The following PDCD10 variants were observed in gnomAD, a reference collection of about 807,000 sequenced individuals.
PDCD10 encodes programmed cell death 10, also known as programmed cell death protein 10.
In PDCD10, 4 loss-of-function variants were observed where a neutral mutation model predicts 29.2. That is an observed-to-expected ratio of 0.14 (90% CI 0.07 to 0.31). PDCD10 has a LOEUF of 0.31. Ranked by LOEUF, PDCD10 falls within the 10% of genes least tolerant of loss-of-function variation. PDCD10 has a pLI of 1.00. For missense variants in PDCD10, 183 were observed against 257.9 expected (o/e 0.71, Z 1.99); for synonymous variants, 70 against 82.2 (o/e 0.85, Z 0.80).
chr3:167,733,505 A>T lies in PDCD10; in HGVS notation c.-117+709T>A, dbSNP rs145869214. On this transcript the variant is annotated intron_variant, in intron 2 of 8. Coordinates refer to ENST00000392750, the MANE Select transcript of PDCD10 (RefSeq NM_007217.4). ...GCTAAGAAAAATAAAAATATGCAAG[A>T]GCCCAATTTTATTATTTGCAGACAC... Among the ~76,000 whole-genome samples, 9 of 152,304 alleles carry T rather than the reference A, an allele frequency of 5.9e-5. No homozygotes were observed. The East Asian group carries it at 1.7e-3, about 29-fold the overall frequency.
At chr3:167,689,573 C>A (rs1719991062) in intron 6 of PDCD10, among the ~76,000 whole-genome samples, 1 of 131,578 alleles carries the variant, frequency 7.6e-6, no homozygotes, top group Non-Finnish European at 1.6e-5. Context: ...CCTCATGCAC[C>A]TAGGGAGACA....
intron 4 of PDCD10, among the ~76,000 whole-genome samples, chr3:167,700,534 C>T (rs1353473337): frequency 6.6e-6 from 1 of 151,654 alleles, no homozygotes; most frequent in Non-Finnish European, 1.5e-5. Flanking sequence ...GCAGCTACAT[C>T]AGCAGGTACA....
intron 2 of PDCD10, chr3:167,725,263 G>GAAAAAAAAAAA (rs57762503): frequency 2.3e-4 from 7 of 30,190 alleles, no homozygotes; most frequent in East Asian, 5.8e-4. Context: ...TCTCAAAAAA[G>GAAAAAAAAAAA]AAAAAAAAAA....
intron 3 of PDCD10, among the ~76,000 whole-genome samples, chr3:167,709,018 T>C (rs565403785): frequency 5.6e-4 from 86 of 152,236 alleles, no homozygotes; most frequent in African/African-American, 2.0e-3. Context: ...AGAAGAGCAA[T>C]AATTCAAACC....
At chr3:167,687,401 C>T in intron 7 of PDCD10, 85 bp from the exon 8 acceptor site, 1 of 846,306 alleles carries the variant, frequency 1.2e-6, no homozygotes, top group Non-Finnish European at 2.0e-6. Context: ...AGAGATTACA[C>T]AGGATATGGG....
intron 3 of PDCD10, among the ~76,000 whole-genome samples, chr3:167,714,064 C>T (rs183582362): frequency 6.6e-5 from 10 of 152,084 alleles, no homozygotes; most frequent in African/African-American, 2.4e-4. Flanking sequence ...GCCAGTATTA[C>T]CCTGATACCA....
At chr3:167,698,104 T>C (rs564184261) in intron 4 of PDCD10, 2 of 394,120 alleles carry the variant, frequency 5.1e-6, no homozygotes, top group African/African-American at 4.2e-5. Flanking sequence ...TCACTGCAGA[T>C]ACAGTTTTCT....
At chr3:167,689,452 A>C (rs758062136) in intron 6 of PDCD10, among the ~76,000 whole-genome samples, 3 of 152,168 alleles carry the variant, frequency 2.0e-5, no homozygotes, top group Non-Finnish European at 4.4e-5. Flanking sequence ...TATTCTGCTA[A>C]AGAGGAATAA....
chr3:167,692,034 C>T, intron 6 of PDCD10, among the ~76,000 whole-genome samples: 1 of 152,196 alleles, frequency 6.6e-6, no homozygotes, highest in East Asian at 1.9e-4. Flanking sequence ...TGATCTGAAG[C>T]AAAATCTGCT....
At chr3:167,726,126 T>G (rs1299874490) in intron 2 of PDCD10, among the ~76,000 whole-genome samples, 32 of 142,740 alleles carry the variant, frequency 2.2e-4, no homozygotes, top group East Asian at 6.1e-4. Flanking sequence ...TTTTTTTTTT[T>G]TTTTTTTTTT....
At chr3:167,719,441 T>A (rs894087971) in intron 3 of PDCD10, among the ~76,000 whole-genome samples, 1 of 152,068 alleles carries the variant, frequency 6.6e-6, no homozygotes, top group Non-Finnish European at 1.5e-5. Context: ...TCTACATACC[T>A]TAGCATGTTA....
rs756441925 is a variant in PDCD10, at chr3:167,695,707, C to A, written c.284G>T (p.Arg95Leu). 1 of 1,613,530 alleles carries A rather than the reference C, an allele frequency of 6.2e-7. No individual in the cohort carries two copies. Among genetic ancestry groups the A allele is most frequent in the South Asian group, 1.1e-5 (1 of 91,032 alleles). ...ADDVEEYMIERPEPEFQDLNE... is the reference protein window; with the variant it reads ...ADDVEEYMIELPEPEFQDLNE... ...TAGGTCTTGGAATTCTGGCTCTGGT[C>A]GTTCAATCATATACTCTGATAAAAT... Residue 95 changes from arginine (R) to leucine (L), a missense_variant, in exon 6 of 9, where the codon CGA (arginine) becomes CTA (leucine). By Grantham distance (102) the Arg-to-Leu change is moderately radical. Coordinates refer to ENST00000392750, the MANE Select transcript of PDCD10 (RefSeq NM_007217.4).
At chr3:167,730,609 T>C (rs966200522) in intron 2 of PDCD10, 3 of 152,152 alleles carry the variant, frequency 2.0e-5, no homozygotes, top group East Asian at 1.9e-4. Context: ...CAATCTCTTT[T>C]TGACAAGATC....
intron 4 of PDCD10, among the ~76,000 whole-genome samples, chr3:167,698,483 C>T (rs1386582158): frequency 6.6e-6 from 1 of 152,006 alleles, no homozygotes; most frequent in African/African-American, 2.4e-5. Flanking sequence ...CTGCAGCGAG[C>T]TATGATCATG....
intron 2 of PDCD10, chr3:167,725,268 A>AG (rs1207294418): frequency 1.2e-5 from 1 of 81,908 alleles, no homozygotes. Context: ...AAAAAGAAAA[A>AG]AAAAAAAAAA....
intron 2 of PDCD10, among the ~76,000 whole-genome samples, chr3:167,727,328 G>A (rs532518240): frequency 1.8e-4 from 27 of 152,254 alleles, no homozygotes; most frequent in Admixed American, 3.3e-4. Context: ...TGTTCAGGGG[G>A]AAAAACATAC....
At chr3:167,726,142 ACAGAGTTTC>A (rs1724147003) in intron 2 of PDCD10, among the ~76,000 whole-genome samples, 1 of 109,530 alleles carries the variant, frequency 9.1e-6, no homozygotes, top group Non-Finnish European at 1.8e-5. Flanking sequence ...TTTTTTTGAG[ACAGAGTTTC>A]ACTCTGTCAC....
chr3:167,698,409 G>A (rs1420431647), intron 4 of PDCD10, among the ~76,000 whole-genome samples: 1 of 152,118 alleles, frequency 6.6e-6, no homozygotes, highest in Non-Finnish European at 1.5e-5. Flanking sequence ...GGTGGGGTGT[G>A]GCTGTGGTCC....
chr3:167,699,423 G>A (rs1721146974), intron 4 of PDCD10, among the ~76,000 whole-genome samples: 1 of 152,164 alleles, frequency 6.6e-6, no homozygotes. Context: ...GGGCCACCAG[G>A]TACCTCAGTA....
Sources: gnomAD v4.1 joint callset for allele counts (sites outside exome capture counted in the v4.1 genomes callset) on GRCh38, gnomAD v4.1.1 for gene constraint, MANE v1.5 for transcripts, NCBI Gene and HGNC (gene_info 2026-07-23, HGNC 2026-07-21) for gene names.